Variants in GRID1 observed in about 807,000 individuals in gnomAD.
The protein encoded by GRID1 is glutamate receptor ionotropic, delta-1.
Under a neutral mutation model 98.0 loss-of-function variants are expected in GRID1, and 28 were observed. That is an observed-to-expected ratio of 0.29 (90% confidence interval 0.21 to 0.39). The LOEUF (loss-of-function observed/expected upper bound fraction) is 0.39. Among genes scored for constraint, GRID1 ranks in the 10% least tolerant of loss-of-function variants. The probability of loss-of-function intolerance (pLI) is 1.00; values close to 1 mark genes in which losing one functional copy is unlikely to be tolerated. For missense variants in GRID1, 1,111 were observed against 1,340.5 expected (o/e 0.83, Z 2.67); for synonymous variants, 553 against 538.5 (o/e 1.03, Z -0.37).
At chr10:86,256,314 A>G (rs894867560) in intron 2 of GRID1, among the ~76,000 whole-genome samples, 5 of 152,158 alleles carry the variant, frequency 3.3e-5, no homozygotes, top group African/African-American at 9.7e-5. Context: ...GATGATATCA[A>G]TGTCTCAGGG....
chr10:85,841,806 T>C (rs1842963688), intron 8 of GRID1, among the ~76,000 whole-genome samples: 1 of 151,970 alleles, frequency 6.6e-6, no homozygotes, highest in Non-Finnish European at 1.5e-5. Context: ...AAATGGCTAT[T>C]ATGAAAAAGT....
intron 5 of GRID1, among the ~76,000 whole-genome samples, chr10:85,909,859 T>C (rs1245212872): frequency 2.0e-5 from 3 of 152,206 alleles, no homozygotes; most frequent in East Asian, 1.9e-4. Flanking sequence ...GGTATATACA[T>C]ATGCCAAATT....
intron 14 of GRID1, among the ~76,000 whole-genome samples, chr10:85,616,973 C>T (rs946430714): frequency 6.6e-6 from 1 of 152,182 alleles, no homozygotes; most frequent in African/African-American, 2.4e-5. Context: ...CACATAAGCC[C>T]TACCACACAC....
chr10:86,254,632 C>T (rs1214266468), intron 2 of GRID1, among the ~76,000 whole-genome samples: 1 of 152,248 alleles, frequency 6.6e-6, no homozygotes, highest in African/African-American at 2.4e-5. Flanking sequence ...CTGGATGATT[C>T]ATGCAGCTGG....
chr10:85,830,036 T>C (rs1842854010), intron 8 of GRID1, among the ~76,000 whole-genome samples: 1 of 152,150 alleles, frequency 6.6e-6, no homozygotes. Flanking sequence ...GCTGGAGGCA[T>C]CACATTACCT....
intron 12 of GRID1, among the ~76,000 whole-genome samples, chr10:85,703,496 A>G (rs1841477185): frequency 6.6e-6 from 1 of 152,102 alleles, no homozygotes. Context: ...ACTGGGTCGA[A>G]GATTCTGTAA....
intron 8 of GRID1, among the ~76,000 whole-genome samples, chr10:85,784,612 T>A (rs1842409222): frequency 6.6e-6 from 1 of 152,192 alleles, no homozygotes. Flanking sequence ...TGGTGTGCTT[T>A]GGGAGCATGG....
chr10:86,354,970 G>T (rs914449454), intron 2 of GRID1, among the ~76,000 whole-genome samples: 1 of 152,176 alleles, frequency 6.6e-6, no homozygotes, highest in Non-Finnish European at 1.5e-5. Flanking sequence ...CCCTAAGTGG[G>T]GCCAAGGCTG....
intron 8 of GRID1, among the ~76,000 whole-genome samples, chr10:85,785,917 G>C (rs1293677907): frequency 1.3e-5 from 2 of 150,662 alleles, no homozygotes; most frequent in Non-Finnish European, 3.0e-5. Flanking sequence ...ACACCCCACA[G>C]ACACACACAC....
intron 15 of GRID1, among the ~76,000 whole-genome samples, chr10:85,605,080 T>A (rs999329060): frequency 4.6e-5 from 7 of 152,212 alleles, no homozygotes; most frequent in Non-Finnish European, 1.0e-4. Flanking sequence ...TGCCAAACTT[T>A]CTTTTCCACA....
chr10:85,621,760 C>T (rs1039912156), intron 13 of GRID1, among the ~76,000 whole-genome samples: 2 of 152,138 alleles, frequency 1.3e-5, no homozygotes, highest in African/African-American at 4.8e-5. Flanking sequence ...TCTCTCCTTC[C>T]TTGTAGGAAG....
At chr10:85,902,626 G>C (rs1356521136) in intron 5 of GRID1, among the ~76,000 whole-genome samples, 1 of 152,168 alleles carries the variant, frequency 6.6e-6, no homozygotes, top group Non-Finnish European at 1.5e-5. Flanking sequence ...GGGAAGATAA[G>C]GGGGGAGCCG....
intron 8 of GRID1, among the ~76,000 whole-genome samples, chr10:85,743,655 T>C (rs756024036): frequency 2.0e-5 from 3 of 152,188 alleles, no homozygotes; most frequent in African/African-American, 4.8e-5. Context: ...ACTTTTGTTA[T>C]TAGGTTGATG....
chr10:85,626,844 G>T (rs187931474), intron 13 of GRID1, among the ~76,000 whole-genome samples: 124 of 152,336 alleles, frequency 8.1e-4, no homozygotes, highest in Non-Finnish European at 1.5e-3. Flanking sequence ...GCAATCGGCT[G>T]GTGGGAGTGT....
intron 8 of GRID1, among the ~76,000 whole-genome samples, chr10:85,804,453 C>T (rs1441515042): frequency 6.6e-6 from 1 of 151,662 alleles, no homozygotes; most frequent in African/African-American, 2.4e-5. Context: ...CAAACAATAC[C>T]AATTTCACAC....
chr10:85,854,706 A>G lies in GRID1; in HGVS notation c.1114-91T>C. On this transcript the variant is annotated intron_variant, in intron 7 of 15. Transcript: ENST00000327946. Reference sequence around the variant, plus strand: ...AAGAGGAGCAAGGAAGTGGTCACCAAGAACGGAGCAATCAGTTTTGAGACC... The same window carrying G: ...AAGAGGAGCAAGGAAGTGGTCACCAGGAACGGAGCAATCAGTTTTGAGACC... 4 of 1,308,790 alleles carry G rather than the reference A, an allele frequency of 3.1e-6. No individual in the cohort carries two copies. In the South Asian group the frequency reaches 3.8e-5, roughly 12 times the overall value. The allele number at this position is 1,308,790 out of a possible 1,614,324, so 81.1% of individuals were successfully genotyped here.
intron 8 of GRID1, among the ~76,000 whole-genome samples, chr10:85,769,118 A>G (rs992262555): frequency 6.6e-6 from 1 of 152,274 alleles, no homozygotes; most frequent in African/African-American, 2.4e-5. Flanking sequence ...TTCTTTCTGA[A>G]CTAATATGAA....
intron 7 of GRID1, 105 bp downstream of exon 7, chr10:85,855,924 A>C: frequency 1.0e-6 from 1 of 955,780 alleles, no homozygotes; most frequent in South Asian, 1.5e-5. Flanking sequence ...CTACTGGGGC[A>C]GCCACACAGA....
intron 4 of GRID1, among the ~76,000 whole-genome samples, chr10:85,947,922 T>A (rs1842073412): frequency 6.6e-6 from 1 of 152,182 alleles, no homozygotes; most frequent in Admixed American, 6.5e-5. Flanking sequence ...ACACTGCAGG[T>A]GATAAGCAAC....
Sources: gnomAD v4.1 joint callset for allele counts (sites outside exome capture counted in the v4.1 genomes callset) on GRCh38, gnomAD v4.1.1 for gene constraint, MANE v1.5 for transcripts, NCBI Gene and HGNC (gene_info 2026-07-23, HGNC 2026-07-21) for gene names.